MGAT5: variants seen among roughly 807,000 people sequenced by gnomAD.
The protein encoded by MGAT5 is alpha-1,6-mannosylglycoprotein 6-beta-N-acetylglucosaminyltransferase A.
In MGAT5, 30 loss-of-function variants were observed where a neutral mutation model predicts 94.3. The ratio of observed to expected loss-of-function variants is 0.32; its 90% CI spans 0.24 to 0.43. MGAT5 has a LOEUF of 0.43. Among genes scored for constraint, MGAT5 ranks in the 20% least tolerant of loss-of-function variants. The pLI is 1.00. For synonymous variants in MGAT5, 310 were observed against 322.9 expected, an observed-to-expected ratio of 0.96 and a Z score of 0.43; for missense variants, 691 against 905.5, an observed-to-expected ratio of 0.76 and a Z score of 3.04.
intron 10 of MGAT5, among the ~76,000 whole-genome samples, chr2:134,378,673 T>A (rs1681347978): frequency 6.7e-6 from 1 of 149,002 alleles, no homozygotes; most frequent in Non-Finnish European, 1.5e-5. Context: ...TTGTGTACAG[T>A]GGCATGATCT....
intron 1 of MGAT5, among the ~76,000 whole-genome samples, chr2:134,145,455 A>G (rs901085110): frequency 2.0e-5 from 3 of 152,192 alleles, no homozygotes; most frequent in African/African-American, 7.2e-5. Context: ...CCGAGGCAGG[A>G]GAATTGCTTG....
chr2:134,317,072 C>G lies in MGAT5; in HGVS notation c.407-457C>G, dbSNP rs72978171. On this transcript the variant is annotated intron_variant, in intron 2 of 15. Coordinates refer to ENST00000281923, the MANE Select transcript of MGAT5 (RefSeq NM_002410.5). ...CTCTGTGCACCAGCTCTATTCACACCTCTCTGGCCTGTTGGCTTTCTCAGT... is the reference window on the plus strand; with the variant it reads ...CTCTGTGCACCAGCTCTATTCACACGTCTCTGGCCTGTTGGCTTTCTCAGT... 2.2e-3 allele frequency among the ~76,000 whole-genome samples: 340 copies of G among 152,240 alleles called. 1 individual carries two copies. Among genetic ancestry groups the G allele is most frequent in the African/African-American group, 7.7e-3 (321 of 41,546 alleles).
intron 4 of MGAT5, among the ~76,000 whole-genome samples, chr2:134,327,811 A>C (rs1393077907): frequency 6.6e-6 from 1 of 152,144 alleles, no homozygotes; most frequent in Non-Finnish European, 1.5e-5. Flanking sequence ...ATTAGAAGGC[A>C]CAGCTTTCTT....
rs192913827 is a variant in MGAT5 at position 134,355,416 on chromosome 2, G to A, written c.1246+5478G>A. On this transcript the variant is annotated intron_variant, in intron 9 of 15. Transcript: ENST00000281923. Reference sequence around the variant, plus strand: ...AGACTCTTCTACACGCAAGTGGCTAGTTCCTAAGTCATAGTTATTTGGGGA... The same window carrying A: ...AGACTCTTCTACACGCAAGTGGCTAATTCCTAAGTCATAGTTATTTGGGGA... 4.2e-4 allele frequency among the ~76,000 whole-genome samples: 64 copies of A among 152,216 alleles called. 1 individual carries two copies. Among genetic ancestry groups the A allele is most frequent in the African/African-American group, 1.4e-3 (60 of 41,524 alleles).
chr2:134,182,840 G>C (rs1052324061), intron 1 of MGAT5, among the ~76,000 whole-genome samples: 5 of 133,002 alleles, frequency 3.8e-5, no homozygotes, highest in African/African-American at 1.4e-4. Context: ...AGGCTAGAGT[G>C]CAGTGGCCTG....
intron 1 of MGAT5, among the ~76,000 whole-genome samples, chr2:134,236,878 A>C (rs1681664823): frequency 1.3e-5 from 2 of 152,180 alleles, no homozygotes; most frequent in African/African-American, 2.4e-5. Context: ...GCACCCAGTA[A>C]GCCCCTTCCA....
At chr2:134,122,072 T>A (rs1685619526) in intron 1 of MGAT5, among the ~76,000 whole-genome samples, 3 of 152,154 alleles carry the variant, frequency 2.0e-5, no homozygotes, top group Admixed American at 2.0e-4. Context: ...ATCCTCAGAT[T>A]TATCTGGCAG....
chr2:134,191,410 TC>T (rs1573828760), intron 1 of MGAT5, among the ~76,000 whole-genome samples: 1 of 152,374 alleles, frequency 6.6e-6, no homozygotes, highest in East Asian at 1.9e-4. Flanking sequence ...GCGTGGGTTA[TC>T]GCGGGAGCGC....
intron 1 of MGAT5, among the ~76,000 whole-genome samples, chr2:134,183,696 C>T (rs917787902): frequency 2.6e-5 from 4 of 152,166 alleles, no homozygotes; most frequent in African/African-American, 9.7e-5. Flanking sequence ...GTTAAATTCA[C>T]TTTAAACTAT....
intron 10 of MGAT5, among the ~76,000 whole-genome samples, chr2:134,369,666 G>A (rs1170421665): frequency 6.6e-6 from 1 of 151,734 alleles, no homozygotes; most frequent in Admixed American, 6.6e-5. Flanking sequence ...AGGGAGGGGA[G>A]AGGAGGAGAG....
intron 2 of MGAT5, among the ~76,000 whole-genome samples, chr2:134,282,272 G>A (rs949066363): frequency 6.6e-6 from 1 of 152,260 alleles, no homozygotes; most frequent in South Asian, 2.1e-4. Flanking sequence ...TTGGCCAGGA[G>A]TGTGTGCCAT....
At chr2:134,281,740 C>T (rs1245931224) in intron 2 of MGAT5, among the ~76,000 whole-genome samples, 4 of 152,150 alleles carry the variant, frequency 2.6e-5, no homozygotes, top group African/African-American at 4.8e-5. Flanking sequence ...AACTCCTGTG[C>T]GGGAGTGCTC....
chr2:134,203,561 G>A (rs1169807753), intron 1 of MGAT5, among the ~76,000 whole-genome samples: 1 of 151,930 alleles, frequency 6.6e-6, no homozygotes, highest in Admixed American at 6.6e-5. Context: ...GGTTTTCTAG[G>A]GCATGAGGGT....
chr2:134,291,447 A>G (rs951033520), intron 2 of MGAT5, among the ~76,000 whole-genome samples: 1 of 152,230 alleles, frequency 6.6e-6, no homozygotes, highest in African/African-American at 2.4e-5. Flanking sequence ...TATGAGAAAT[A>G]AAAGTCTGTG....
chr2:134,165,810 G>A (rs566037654), intron 1 of MGAT5, among the ~76,000 whole-genome samples: 2 of 152,184 alleles, frequency 1.3e-5, no homozygotes, highest in African/African-American at 2.4e-5. Flanking sequence ...GCAATGTTCT[G>A]TAACTCATGT....
At chr2:134,135,567 C>A (rs1686364836) in intron 1 of MGAT5, among the ~76,000 whole-genome samples, 1 of 151,636 alleles carries the variant, frequency 6.6e-6, no homozygotes, top group Admixed American at 6.6e-5. Context: ...TGGTACGTGC[C>A]TGTAGTCCCA....
intron 1 of MGAT5, among the ~76,000 whole-genome samples, chr2:134,181,235 G>A (rs1408571666): frequency 6.6e-5 from 10 of 152,172 alleles, no homozygotes; most frequent in Non-Finnish European, 1.5e-5. Flanking sequence ...AGTAGGTAGA[G>A]TCCAGGGATG....
At position 134,453,270 on chromosome 2, in the gene MGAT5, C is replaced by T. The variant is rs937812960; in HGVS notation, c.*4423C>T. ...GCCTACCCTGCTGGTTGGGATCTTACTGTATTCTTGAATGCACTGGTTTGA... is the reference window on the plus strand; with the variant it reads ...GCCTACCCTGCTGGTTGGGATCTTATTGTATTCTTGAATGCACTGGTTTGA... On this transcript the variant is annotated 3_prime_UTR_variant, in exon 16 of 16. Coordinates refer to ENST00000281923, the MANE Select transcript of MGAT5 (RefSeq NM_002410.5). 3.3e-5 allele frequency: 5 copies of T among 152,174 alleles called. No homozygotes were observed. Among genetic ancestry groups the T allele is most frequent in the Admixed American group, 3.3e-4 (5 of 15,278 alleles). 9.4% of individuals were successfully genotyped at this position (152,174 alleles called of 1,614,324 possible).
chr2:134,259,328 A>G (rs747469425), intron 1 of MGAT5, among the ~76,000 whole-genome samples: 4 of 152,162 alleles, frequency 2.6e-5, no homozygotes, highest in African/African-American at 7.2e-5. Context: ...ACCCGAGTCA[A>G]TGCTATTCTT....
Sources: allele counts gnomAD v4.1 joint callset (sites outside exome capture counted in the v4.1 genomes callset), GRCh38; gene constraint gnomAD v4.1.1; transcripts MANE v1.5; gene names NCBI Gene and HGNC (gene_info 2026-07-23, HGNC 2026-07-21).